Variants in ACMSD observed in about 807,000 individuals in gnomAD.
ACMSD encodes 2-amino-3-carboxymuconate-6-semialdehyde decarboxylase.
In ACMSD, 37 loss-of-function variants were observed where a neutral mutation model predicts 45.9. That is an observed-to-expected ratio of 0.81 (90% CI 0.62 to 1.06). ACMSD has a LOEUF of 1.06. Ranked by LOEUF, ACMSD falls within the 50% of genes least tolerant of loss-of-function variation. ACMSD has a pLI of 0.00. For synonymous variants in ACMSD, 138 were observed against 148.8 expected, an observed-to-expected ratio of 0.93 and a Z score of 0.53; for missense variants, 434 against 420.9, an observed-to-expected ratio of 1.03 and a Z score of -0.27.
chr2:134,897,668 T>C (rs1690242922), intron 8 of ACMSD, among the ~76,000 whole-genome samples: 1 of 152,144 alleles, frequency 6.6e-6, no homozygotes, highest in Admixed American at 6.5e-5. Flanking sequence ...CATGTCTGTT[T>C]TGTTGACAAG....
At chr2:134,845,093 A>T in intron 1 of ACMSD, 140 bp from the exon 2 acceptor site, 1 of 766,198 alleles carries the variant, frequency 1.3e-6, no homozygotes, top group Non-Finnish European at 2.3e-6. Flanking sequence ...GTAAATACTA[A>T]ATAGGCGATA....
intron 5 of ACMSD, among the ~76,000 whole-genome samples, chr2:134,866,067 C>T (rs1688081905): frequency 6.6e-6 from 1 of 152,036 alleles, no homozygotes; most frequent in Admixed American, 6.6e-5. Flanking sequence ...TTTTTCTATT[C>T]TCTACAAACC....
intron 1 of ACMSD, among the ~76,000 whole-genome samples, chr2:134,838,943 T>G (rs1478703746): frequency 6.6e-6 from 1 of 152,218 alleles, no homozygotes; most frequent in Non-Finnish European, 1.5e-5. Flanking sequence ...AAGAAATAAG[T>G]GCTTTCTCAG....
Position 134,877,122 on chromosome 2 carries a change from C to G in ACMSD, c.849+4481C>G, listed in dbSNP as rs969155514. 6.6e-5 allele frequency among the ~76,000 whole-genome samples: 10 copies of G among 152,138 alleles called. 1 individual carries two copies. The highest frequency in any genetic ancestry group is 6.5e-4 in the Admixed American group (10 of 15,280). On this transcript the variant is annotated intron_variant, in intron 8 of 9. Transcript: ENST00000356140. ...ACTGGAAGAGATAGGTTTGTTTACA[C>G]CAGCATCACCACAAACACTTGAGTA...
intron 8 of ACMSD, among the ~76,000 whole-genome samples, chr2:134,895,571 C>G (rs1323821324): frequency 1.3e-5 from 2 of 150,312 alleles, no homozygotes; most frequent in East Asian, 3.9e-4. Context: ...CATATGAAAA[C>G]GCAAGGGGGC....
chr2:134,897,835 C>T (rs1690251656), intron 8 of ACMSD, among the ~76,000 whole-genome samples: 1 of 150,448 alleles, frequency 6.6e-6, no homozygotes, highest in African/African-American at 2.4e-5. Flanking sequence ...TTTATAGGAA[C>T]TGATCCAGAG....
At chr2:134,884,279 C>G (rs1689204909) in intron 8 of ACMSD, among the ~76,000 whole-genome samples, 1 of 152,160 alleles carries the variant, frequency 6.6e-6, no homozygotes, top group South Asian at 2.1e-4. Flanking sequence ...GGAAGGAAAG[C>G]AGGGAAGTGT....
intron 3 of ACMSD, among the ~76,000 whole-genome samples, chr2:134,861,254 T>G (rs1687838312): frequency 6.6e-6 from 1 of 152,112 alleles, no homozygotes; most frequent in Non-Finnish European, 1.5e-5. Context: ...GACCTGCCTT[T>G]TCAAGGAGAA....
intron 8 of ACMSD, among the ~76,000 whole-genome samples, chr2:134,875,533 G>A (rs1468987178): frequency 6.6e-6 from 1 of 152,110 alleles, no homozygotes; most frequent in Non-Finnish European, 1.5e-5. Flanking sequence ...ATAATCTCTT[G>A]GCTTCCTTCC....
rs10572074 is a variant in ACMSD, at chr2:134,893,209, A to ATTT, written c.850-5116_850-5114dup. Among the ~76,000 whole-genome samples the ATTT allele has an allele frequency of 5.0e-4, 67 of 132,722 alleles. No homozygotes were observed. The East Asian group carries it at 8.0e-3, about 16-fold the overall frequency. 87.1% of individuals were successfully genotyped at this position (132,722 alleles called of 152,430 possible). ...CTTTTCTTCCAATATATCACACTGC[A>ATTT]TTTTTTTTTTTTTTTTTTGAGACAG... On this transcript the variant is annotated intron_variant, in intron 8 of 9. Coordinates refer to ENST00000356140, the MANE Select transcript of ACMSD (RefSeq NM_138326.3).
At chr2:134,851,997 CAG>C (rs1190041590) in intron 2 of ACMSD, among the ~76,000 whole-genome samples, 1 of 152,132 alleles carries the variant, frequency 6.6e-6, no homozygotes, top group Non-Finnish European at 1.5e-5. Context: ...TTGGAAATAA[CAG>C]AGTATTATTA....
chr2:134,868,610 G>T (rs372724394), intron 6 of ACMSD, among the ~76,000 whole-genome samples: 1 of 151,722 alleles, frequency 6.6e-6, no homozygotes, highest in South Asian at 2.1e-4. Flanking sequence ...ACAATGCCAC[G>T]TCCAGCTAAT....
At chr2:134,870,121 C>T (rs1362513000) in intron 6 of ACMSD, among the ~76,000 whole-genome samples, 2 of 152,190 alleles carry the variant, frequency 1.3e-5, no homozygotes, top group Non-Finnish European at 2.9e-5. Flanking sequence ...CAGGCTTCCC[C>T]AGAAGGTGCA....
chr2:134,840,577 G>A (rs1015983250), intron 1 of ACMSD, among the ~76,000 whole-genome samples: 1 of 152,060 alleles, frequency 6.6e-6, no homozygotes, highest in Admixed American at 6.6e-5. Flanking sequence ...AAGCTTGTTC[G>A]CCCCTTCTGC....
At chr2:134,870,884 C>A in intron 6 of ACMSD, 81 bp from the exon 7 acceptor site, 1 of 1,239,916 alleles carries the variant, frequency 8.1e-7, no homozygotes. Context: ...TTTGCACTGA[C>A]AATTCCCCAG....
rs757143841 is a variant in ACMSD at position 134,859,292 on chromosome 2, T to A, written c.134T>A (p.Val45Asp). ...GCAAAGTTGTTGAAAGATGGGAAAG[T>A]CTTCAGAGTGGTGCGAGAGAATTGC... is the stretch of plus-strand genomic sequence containing the variant. ...GEAKLLKDGK[V>D]FRVVRENCWD... Residue 45 changes from valine to aspartate, a missense_variant, in exon 3 of 10, where the codon GTC becomes GAC. Physicochemically the swap from Val to Asp is radical, Grantham distance 152 (BLOSUM62 -3). Transcript: ENST00000356140. 3.1e-6 allele frequency: 5 copies of A among 1,613,920 alleles called. No homozygotes were observed. The highest frequency in any genetic ancestry group is 4.2e-6 in the Non-Finnish European group (5 of 1,179,996).
intron 8 of ACMSD, among the ~76,000 whole-genome samples, chr2:134,897,816 T>C (rs1353197526): frequency 3.3e-5 from 5 of 151,908 alleles, no homozygotes; most frequent in Admixed American, 3.3e-4. Context: ...ATCCAGTTTA[T>C]AGGAATTGTT....
Position 134,867,597 on chromosome 2 carries a change from T to C in ACMSD, c.505T>C (p.Cys169Arg). The C allele has an allele frequency of 6.2e-7, 1 of 1,613,980 alleles. No individual in the cohort carries two copies. Among genetic ancestry groups the C allele is most frequent in the African/African-American group, 1.3e-5 (1 of 75,036 alleles). The change falls in exon 6 of 10, where the codon TGT becomes CGT. Residue 169 changes from cysteine to arginine, a missense_variant. Cys to Arg is a radical substitution (Grantham distance 180). Transcript: ENST00000356140. ...TTTGAAGGCAGCCGAAAGGCTGAAG[T>C]GTTCCCTGTTCGTGCATCCCTGGGA... is the stretch of plus-strand genomic sequence containing the variant. The part of the protein sequence containing the change: ...PVYAAAERLK[C>R]SLFVHPWDMQ...
chr2:134,881,987 G>A (rs540387666), intron 8 of ACMSD, among the ~76,000 whole-genome samples: 4 of 152,186 alleles, frequency 2.6e-5, no homozygotes, highest in East Asian at 1.9e-4. Flanking sequence ...GCGTGGTGAC[G>A]GGCACCTGTA....
Sources: gnomAD v4.1 joint callset for allele counts (sites outside exome capture counted in the v4.1 genomes callset) on GRCh38, gnomAD v4.1.1 for gene constraint, MANE v1.5 for transcripts, NCBI Gene and HGNC (gene_info 2026-07-23, HGNC 2026-07-21) for gene names.